NHSL1: variants seen among roughly 807,000 people sequenced by gnomAD.
NHSL1 encodes the protein NHS-like protein 1.
Under a neutral mutation model 95.0 loss-of-function variants are expected in NHSL1, and 48 were observed. That is an observed-to-expected ratio of 0.51 (90% confidence interval 0.40 to 0.64). The LOEUF is 0.64. NHSL1 is among the 30% of genes least tolerant of loss of function. The probability of loss-of-function intolerance (pLI) is 0.00; values close to 1 mark genes in which losing one functional copy is unlikely to be tolerated. For missense variants in NHSL1, 1,971 were observed against 2,077.7 expected, an observed-to-expected ratio of 0.95 and a Z score of 1.00; for synonymous variants, 783 against 833.9, an observed-to-expected ratio of 0.94 and a Z score of 1.05.
chr6:138,507,242 T>C (rs1781008346), intron 1 of NHSL1, among the ~76,000 whole-genome samples: 1 of 152,188 alleles, frequency 6.6e-6, no homozygotes, highest in South Asian at 2.1e-4. Context: ...AAACATCACC[T>C]ATGGTAAATC....
chr6:138,656,606 A>G (rs1349750678), intron 1 of NHSL1, among the ~76,000 whole-genome samples: 1 of 152,234 alleles, frequency 6.6e-6, no homozygotes, highest in Non-Finnish European at 1.5e-5. Flanking sequence ...TCTTCTATAA[A>G]TGAGATTGGA....
intron 2 of NHSL1, among the ~76,000 whole-genome samples, chr6:138,490,052 G>C (rs1441076088): frequency 1.3e-5 from 2 of 151,842 alleles, no homozygotes; most frequent in Non-Finnish European, 2.9e-5. Flanking sequence ...AGCTTCTGAA[G>C]TTTAGGTCAC....
chr6:138,642,188 A>T (rs943995972), intron 1 of NHSL1, among the ~76,000 whole-genome samples: 3 of 152,098 alleles, frequency 2.0e-5, no homozygotes, highest in Non-Finnish European at 4.4e-5. Context: ...CTAATTCTAC[A>T]AGAATTTGTA....
intron 1 of NHSL1, among the ~76,000 whole-genome samples, chr6:138,618,513 AG>A (rs1415428054): frequency 6.6e-6 from 1 of 152,240 alleles, no homozygotes; most frequent in Non-Finnish European, 1.5e-5. Context: ...CTAGCTGTTT[AG>A]GTCATTGCAG....
chr6:138,567,356 T>C (rs1004222220), intron 1 of NHSL1, among the ~76,000 whole-genome samples: 5 of 152,172 alleles, frequency 3.3e-5, no homozygotes, highest in African/African-American at 9.7e-5. Flanking sequence ...CTTGAACTCC[T>C]GGGCTCAAGT....
intron 7 of NHSL1, among the ~76,000 whole-genome samples, chr6:138,425,874 C>T (rs562212162): frequency 6.7e-6 from 1 of 150,326 alleles, no homozygotes; most frequent in South Asian, 2.2e-4. Context: ...CATGCCAGAC[C>T]CTGCTTCATG....
intron 1 of NHSL1, among the ~76,000 whole-genome samples, chr6:138,655,602 C>T (rs1785146630): frequency 6.6e-6 from 1 of 152,108 alleles, no homozygotes; most frequent in South Asian, 2.1e-4. Flanking sequence ...TCACATTCAA[C>T]AGCAATAGTT....
intron 3 of NHSL1, among the ~76,000 whole-genome samples, chr6:138,465,724 C>CTTTTTTT (rs61271607): frequency 7.5e-6 from 1 of 132,832 alleles, no homozygotes; most frequent in African/African-American, 2.8e-5. Flanking sequence ...TTTTTCTTTT[C>CTTTTTTT]TTTTTTTTTT....
intron 1 of NHSL1, among the ~76,000 whole-genome samples, chr6:138,656,553 G>A (rs1052980832): frequency 6.6e-6 from 1 of 152,268 alleles, no homozygotes; most frequent in Middle Eastern, 3.4e-3. Context: ...ACAGGGTGGA[G>A]GATAGTGAAG....
intron 1 of NHSL1, among the ~76,000 whole-genome samples, chr6:138,551,248 G>A (rs1326832481): frequency 2.6e-5 from 4 of 152,112 alleles, no homozygotes; most frequent in Non-Finnish European, 4.4e-5. Flanking sequence ...GGTGATCTTC[G>A]AACGTATCCC....
At chr6:138,476,957 T>TAAAAAAAAAAAAAAAAA (rs58311101) in intron 2 of NHSL1, among the ~76,000 whole-genome samples, 1 of 100,514 alleles carries the variant, frequency 9.9e-6, no homozygotes. Context: ...TCCCTGAATC[T>TAAAAAAAAAAAAAAAAA]AAAAAAAAAA....
At chr6:138,585,315 A>C (rs1784117965) in intron 1 of NHSL1, among the ~76,000 whole-genome samples, 1 of 152,222 alleles carries the variant, frequency 6.6e-6, no homozygotes, top group South Asian at 2.1e-4. Context: ...TATGAGGAAA[A>C]GAAGTGAGCA....
At chr6:138,677,466 A>T (rs1785462163) in intron 1 of NHSL1, among the ~76,000 whole-genome samples, 1 of 152,192 alleles carries the variant, frequency 6.6e-6, no homozygotes, top group Admixed American at 6.5e-5. Context: ...CCATGTTACT[A>T]ATCTTGAAAT....
At chr6:138,661,183 T>C (rs1489099808) in intron 1 of NHSL1, among the ~76,000 whole-genome samples, 1 of 152,200 alleles carries the variant, frequency 6.6e-6, no homozygotes, top group Non-Finnish European at 1.5e-5. Context: ...TCATACATTA[T>C]CATGTATAGT....
chr6:138,554,172 A>G (rs1783111574), intron 1 of NHSL1, among the ~76,000 whole-genome samples: 1 of 152,232 alleles, frequency 6.6e-6, no homozygotes. Flanking sequence ...TATGTGTATT[A>G]TATTTCAGAG....
At chr6:138,608,553 C>A (rs1370505971) in intron 1 of NHSL1, among the ~76,000 whole-genome samples, 2 of 152,178 alleles carry the variant, frequency 1.3e-5, no homozygotes, top group African/African-American at 4.8e-5. Flanking sequence ...ATCTGTAGCA[C>A]AAAAATCCTT....
chr6:138,620,735 A>G (rs1784644368), intron 1 of NHSL1, among the ~76,000 whole-genome samples: 1 of 152,172 alleles, frequency 6.6e-6, no homozygotes, highest in East Asian at 1.9e-4. Context: ...AAAAAATATA[A>G]TAATACTTCT....
chr6:138,460,702 CT>C (rs1326638926), intron 3 of NHSL1, among the ~76,000 whole-genome samples: 1 of 151,706 alleles, frequency 6.6e-6, no homozygotes, highest in African/African-American at 2.4e-5. Flanking sequence ...TGAGGGATTA[CT>C]GTATATAATT....
intron 1 of NHSL1, among the ~76,000 whole-genome samples, chr6:138,594,378 A>G (rs1583439517): frequency 2.0e-5 from 3 of 152,140 alleles, no homozygotes; most frequent in East Asian, 1.9e-4. Flanking sequence ...AGGACTGCCA[A>G]TTTCGCGGGG....
Sources: allele counts gnomAD v4.1 joint callset (sites outside exome capture counted in the v4.1 genomes callset), GRCh38; gene constraint gnomAD v4.1.1; transcripts MANE v1.5; gene names NCBI Gene and HGNC (gene_info 2026-07-23, HGNC 2026-07-21).